The following CCDC150 variants were observed in gnomAD, a reference collection of about 807,000 sequenced individuals.
The protein encoded by CCDC150 is coiled-coil domain-containing protein 150.
CCDC150 carries 151 observed loss-of-function variants against 156.5 expected under a neutral mutation model. That is an observed-to-expected ratio of 0.97 (90% CI 0.85 to 1.10). The LOEUF (loss-of-function observed/expected upper bound fraction) is 1.10. Ranked by LOEUF, CCDC150 falls within the 50% of genes least tolerant of loss-of-function variation. The pLI, the probability that CCDC150 is intolerant of heterozygous loss-of-function variation, is 0.00. For missense variants in CCDC150, 1,312 were observed against 1,268.1 expected (o/e 1.03, Z -0.53); for synonymous variants, 452 against 429.4 (o/e 1.05, Z -0.65).
At chr2:196,694,436 G>A (rs1695685679) in intron 13 of CCDC150, among the ~76,000 whole-genome samples, 1 of 152,056 alleles carries the variant, frequency 6.6e-6, no homozygotes, top group African/African-American at 2.4e-5. Flanking sequence ...TAGTAAAGGG[G>A]AACTATATAA....
At chr2:196,730,744 TAGA>T in intron 25 of CCDC150, 112 bp from the exon 26 acceptor site, 3 of 738,332 alleles carry the variant, frequency 4.1e-6, no homozygotes, top group Non-Finnish European at 6.8e-6. Context: ...CACCTGAAGT[TAGA>T]AGGCACTCCA....
chr2:196,642,839 A>G (rs1369113064), intron 1 of CCDC150, among the ~76,000 whole-genome samples: 1 of 152,202 alleles, frequency 6.6e-6, no homozygotes, highest in Non-Finnish European at 1.5e-5. Context: ...TCCTGGGCTC[A>G]AGTGATCCTC....
chr2:196,692,414 G>A (rs562157548), intron 13 of CCDC150, among the ~76,000 whole-genome samples: 5 of 152,192 alleles, frequency 3.3e-5, no homozygotes, highest in Non-Finnish European at 7.4e-5. Flanking sequence ...GATTACAGGC[G>A]TGAGCCACCG....
chr2:196,667,034 T>C (rs1002996485), intron 7 of CCDC150, 186 bp downstream of exon 7: 7 of 621,148 alleles, frequency 1.1e-5, no homozygotes, highest in Non-Finnish European at 1.7e-5. Flanking sequence ...TTGTTAATAA[T>C]ATATTTGACC....
At chr2:196,711,842 C>T (rs1533663) in intron 15 of CCDC150, among the ~76,000 whole-genome samples, 152,170 of 152,208 alleles carry the variant, frequency 1, 76,066 homozygotes, top group Middle Eastern at 1. Context: ...TTTTGAATTA[C>T]ATTAGCCACA....
At chr2:196,707,964 G>A (rs1410327143) in intron 15 of CCDC150, among the ~76,000 whole-genome samples, 3 of 152,178 alleles carry the variant, frequency 2.0e-5, no homozygotes, top group African/African-American at 7.2e-5. Context: ...ATGTGGTGCT[G>A]AGAAGAATGT....
At chr2:196,693,511 C>G in intron 13 of CCDC150, among the ~76,000 whole-genome samples, 1 of 152,178 alleles carries the variant, frequency 6.6e-6, no homozygotes, top group East Asian at 1.9e-4. Context: ...ATCCTTCAGC[C>G]TTGACACACT....
At chr2:196,657,426 C>T in intron 4 of CCDC150, 1 of 255,166 alleles carries the variant, frequency 3.9e-6, no homozygotes, top group Non-Finnish European at 7.5e-6. Context: ...AACTCATATG[C>T]TAGTTGGGAG....
At chr2:196,657,216 T>C in intron 4 of CCDC150, 80 bp downstream of exon 4, 3 of 1,349,860 alleles carry the variant, frequency 2.2e-6, no homozygotes, top group Non-Finnish European at 2.1e-6. Flanking sequence ...GACGCGACTT[T>C]TAAAAATAGG....
At chr2:196,678,907 G>C (rs965771212) in intron 13 of CCDC150, among the ~76,000 whole-genome samples, 1 of 152,068 alleles carries the variant, frequency 6.6e-6, no homozygotes, top group Non-Finnish European at 1.5e-5. Flanking sequence ...TCATAAAAAA[G>C]TTAGTGAATG....
intron 22 of CCDC150, chr2:196,727,293 C>G (rs1040094906): frequency 1.3e-5 from 2 of 152,188 alleles, no homozygotes; most frequent in Admixed American, 1.3e-4. Flanking sequence ...GTAATCCCAG[C>G]TATTCAGGAG....
rs1226729484 is a variant in CCDC150 at position 196,732,169 on chromosome 2, G to T, written c.3189+17G>T. 6.2e-7 allele frequency: 1 copy of T among 1,612,806 alleles called. No individual in the cohort carries two copies. The highest frequency in any genetic ancestry group is 8.5e-7 in the Non-Finnish European group (1 of 1,179,190). The stretch of plus-strand genomic sequence containing the variant: ...CAGGAAAAGGTAAGATTAAGACATG[G>T]ATGTCTTAAGCAATTTTCTACTTGT... On this transcript the variant is annotated intron_variant, in intron 27 of 27. Coordinates refer to ENST00000389175, the MANE Select transcript of CCDC150 (RefSeq NM_001080539.2).
chr2:196,694,369 A>G (rs188991797), intron 13 of CCDC150, among the ~76,000 whole-genome samples: 2 of 152,252 alleles, frequency 1.3e-5, no homozygotes, highest in Non-Finnish European at 2.9e-5. Context: ...AGATTTTTGC[A>G]TCTATATTCA....
At chr2:196,688,529 G>T (rs1394138592) in intron 13 of CCDC150, among the ~76,000 whole-genome samples, 1 of 152,078 alleles carries the variant, frequency 6.6e-6, no homozygotes, top group Non-Finnish European at 1.5e-5. Context: ...ATATAGGATC[G>T]CATAAATGTC....
At chr2:196,642,824 C>T (rs979610458) in intron 1 of CCDC150, among the ~76,000 whole-genome samples, 4 of 152,210 alleles carry the variant, frequency 2.6e-5, no homozygotes, top group Non-Finnish European at 5.9e-5. Flanking sequence ...ACTGCAGCCT[C>T]TACCTCCTGG....
intron 13 of CCDC150, among the ~76,000 whole-genome samples, chr2:196,685,160 C>A (rs1695050752): frequency 6.6e-6 from 1 of 151,828 alleles, no homozygotes; most frequent in Non-Finnish European, 1.5e-5. Flanking sequence ...ATATATATTT[C>A]TAGTTCACCA....
At chr2:196,713,434 C>T in intron 17 of CCDC150, 1 of 1,549,908 alleles carries the variant, frequency 6.5e-7, no homozygotes, top group Non-Finnish European at 8.7e-7. Context: ...CCCATGTAAA[C>T]AGTATAAAGG....
intron 1 of CCDC150, among the ~76,000 whole-genome samples, chr2:196,644,338 C>G (rs909577227): frequency 6.6e-6 from 1 of 152,172 alleles, no homozygotes; most frequent in Admixed American, 6.5e-5. Flanking sequence ...AGGTCAGTAG[C>G]TGGACAGCAG....
chr2:196,671,255 A>G (rs906772705), intron 8 of CCDC150, among the ~76,000 whole-genome samples: 2 of 152,016 alleles, frequency 1.3e-5, no homozygotes, highest in African/African-American at 2.4e-5. Context: ...ATCCCTGGCA[A>G]TCATTGATCT....
Sources: allele counts gnomAD v4.1 joint callset (sites outside exome capture counted in the v4.1 genomes callset), GRCh38; gene constraint gnomAD v4.1.1; transcripts MANE v1.5; gene names NCBI Gene and HGNC (gene_info 2026-07-23, HGNC 2026-07-21).